BIRC6: variants seen among roughly 807,000 people sequenced by gnomAD.
BIRC6 encodes baculoviral IAP repeat containing 6.
A neutral mutation model predicts 503.3 loss-of-function variants in BIRC6; 98 were observed. The observed-to-expected ratio is 0.19, with a 90% CI of 0.17 to 0.23. BIRC6 has a LOEUF of 0.23. Among genes scored for constraint, BIRC6 ranks in the 10% least tolerant of loss-of-function variants. The pLI is 1.00. For synonymous variants in BIRC6, 2,240 were observed against 2,078.7 expected (o/e 1.08, Z -2.11); for missense variants, 5,360 against 5,806.0 (o/e 0.92, Z 2.50).
intron 66 of BIRC6, among the ~76,000 whole-genome samples, chr2:32,585,469 T>TC (rs1331973012): frequency 6.6e-6 from 1 of 151,944 alleles, no homozygotes; most frequent in Non-Finnish European, 1.5e-5. Context: ...AACCTCCGCC[T>TC]CCCAGGTTCA....
chr2:32,383,258 T>TG (rs1483065007), intron 3 of BIRC6, among the ~76,000 whole-genome samples: 1 of 152,100 alleles, frequency 6.6e-6, no homozygotes, highest in Non-Finnish European at 1.5e-5. Flanking sequence ...TTGGTCAGGC[T>TG]GGTCTTGAAC....
intron 9 of BIRC6, among the ~76,000 whole-genome samples, chr2:32,410,686 G>T (rs528625623): frequency 6.6e-6 from 1 of 151,832 alleles, no homozygotes; most frequent in South Asian, 2.1e-4. Flanking sequence ...GTTGCTTATT[G>T]CTCTACTTGG....
intron 66 of BIRC6, among the ~76,000 whole-genome samples, chr2:32,585,423 A>C (rs2060963151): frequency 6.6e-6 from 1 of 150,580 alleles, no homozygotes; most frequent in South Asian, 2.1e-4. Flanking sequence ...TCTGTCACCC[A>C]GTCTAGAGTG....
intron 3 of BIRC6, among the ~76,000 whole-genome samples, chr2:32,388,495 C>G (rs993908226): frequency 6.6e-6 from 1 of 152,312 alleles, no homozygotes; most frequent in Admixed American, 6.5e-5. Context: ...GCGTAAGCCA[C>G]TGCACCTGGC....
At chr2:32,571,143 A>G (rs1249000924) in intron 65 of BIRC6, among the ~76,000 whole-genome samples, 5 of 151,488 alleles carry the variant, frequency 3.3e-5, no homozygotes, top group Admixed American at 3.3e-4. Context: ...GTTGGATTTG[A>G]TTTACTTGTT....
intron 61 of BIRC6, among the ~76,000 whole-genome samples, chr2:32,538,462 T>C (rs185789091): frequency 1.3e-5 from 2 of 152,120 alleles, no homozygotes; most frequent in Admixed American, 1.3e-4. Flanking sequence ...GGCTACAGCC[T>C]AATAAAGATT....
chr2:32,610,716 G>A (rs543152096), intron 72 of BIRC6, among the ~76,000 whole-genome samples: 1 of 152,214 alleles, frequency 6.6e-6, no homozygotes, highest in Admixed American at 6.5e-5. Flanking sequence ...GACCACAATT[G>A]TACACTCTTT....
In BIRC6 at chr2:32,617,988, A is replaced by C; in HGVS notation, c.*84A>C. On this transcript the variant is annotated 3_prime_UTR_variant, in exon 74 of 74. Transcript: ENST00000421745. ...AATATTTGTATGTAAGAAACTAATT[A>C]TGTAATAGGTAATGAAACTGAAACT... 1 of 1,304,664 alleles carries C rather than the reference A, an allele frequency of 7.7e-7. No individual in the cohort carries two copies. The highest frequency in any genetic ancestry group is 1.0e-6 in the Non-Finnish European group (1 of 953,318). 80.8% of individuals were successfully genotyped at this position (1,304,664 alleles called of 1,614,324 possible).
rs2037006162 is a variant in BIRC6, at chr2:32,377,600, G to A, written c.338G>A (p.Gly113Glu). Reference sequence around the variant, plus strand: ...GTTCTTTTAACAGCTAAACCAGGTGGACAGGTGAAATGTCAGTATATCTCT... The same window carrying A: ...GTTCTTTTAACAGCTAAACCAGGTGAACAGGTGAAATGTCAGTATATCTCT... Reference protein sequence around the residue: ...QASALSAKPGGQVKCQYISAV... With the variant: ...QASALSAKPGEQVKCQYISAV... The change falls in exon 2 of 74, where the codon GGA (glycine) becomes GAA (glutamate). Residue 113 changes from glycine to glutamate, a missense_variant. Gly to Glu is a moderately conservative substitution (Grantham distance 98). This residue lies in a region of BIRC6 where 47 missense variants were observed against 93.3 expected (regional missense o/e 0.50). Transcript: ENST00000421745. 1.2e-6 allele frequency: 2 copies of A among 1,604,544 alleles called. No homozygotes were observed. The highest frequency in any genetic ancestry group is 1.7e-5 in the Admixed American group (1 of 57,784).
chr2:32,413,700 G>GAA (rs1319844027), intron 9 of BIRC6, among the ~76,000 whole-genome samples: 21 of 100,196 alleles, frequency 2.1e-4, no homozygotes, highest in Admixed American at 7.7e-4. Flanking sequence ...TATGTCTTAA[G>GAA]AAAAAAAAAA....
intron 19 of BIRC6, 43 bp from the exon 20 acceptor site, chr2:32,443,447 CT>C: frequency 7.3e-7 from 1 of 1,371,808 alleles, no homozygotes; most frequent in Non-Finnish European, 1.0e-6. Context: ...GAATTTAGAC[CT>C]TGAGTAATGT....
chr2:32,571,378 C>CTTTTTTTTTTT (rs61599835), intron 65 of BIRC6, among the ~76,000 whole-genome samples: 2 of 20,300 alleles, frequency 9.9e-5, no homozygotes, highest in African/African-American at 2.1e-4. Context: ...TGGTCCTGGG[C>CTTTTTTTTTTT]TTTTTTTTTT....
chr2:32,470,584 A>T (rs2049000285), intron 31 of BIRC6, among the ~76,000 whole-genome samples: 1 of 152,196 alleles, frequency 6.6e-6, no homozygotes, highest in African/African-American at 2.4e-5. Context: ...TGTAAGGCAC[A>T]GTTGTTGTTC....
intron 8 of BIRC6, among the ~76,000 whole-genome samples, chr2:32,405,859 T>C (rs2041150485): frequency 6.6e-6 from 1 of 152,224 alleles, no homozygotes; most frequent in African/African-American, 2.4e-5. Context: ...TAGTTGCTGC[T>C]GTCTTTTATA....
At chr2:32,413,491 G>A (rs1388877265) in intron 9 of BIRC6, among the ~76,000 whole-genome samples, 1 of 151,746 alleles carries the variant, frequency 6.6e-6, no homozygotes, top group African/African-American at 2.4e-5. Context: ...CTAATTTTTT[G>A]TATTTTTAGT....
At chr2:32,598,150 G>T in intron 69 of BIRC6, among the ~76,000 whole-genome samples, 182 bp downstream of exon 69, 1 of 113,408 alleles carries the variant, frequency 8.8e-6, no homozygotes, top group Non-Finnish European at 1.7e-5. Flanking sequence ...TTTTTTTTTG[G>T]CGACAGGATC....
chr2:32,446,386 G>T (rs562151286), intron 21 of BIRC6, among the ~76,000 whole-genome samples: 1 of 152,194 alleles, frequency 6.6e-6, no homozygotes, highest in Non-Finnish European at 1.5e-5. Context: ...TTAAGCAATA[G>T]CAAAAGGTTA....
chr2:32,537,681 T>C (rs1363672489), intron 61 of BIRC6, among the ~76,000 whole-genome samples: 1 of 152,148 alleles, frequency 6.6e-6, no homozygotes, highest in Non-Finnish European at 1.5e-5. Flanking sequence ...AAAACAATTA[T>C]TTAGGCCGGG....
At chr2:32,426,522 T>G (rs2043511201) in intron 10 of BIRC6, among the ~76,000 whole-genome samples, 2 of 152,260 alleles carry the variant, frequency 1.3e-5, no homozygotes, top group African/African-American at 4.8e-5. Flanking sequence ...GAGAATCACT[T>G]GAACCCAGGA....
Sources: gnomAD v4.1 joint callset for allele counts (sites outside exome capture counted in the v4.1 genomes callset) on GRCh38, gnomAD v4.1.1 for gene constraint, gnomAD v4.1.1 regional missense constraint, MANE v1.5 for transcripts, NCBI Gene and HGNC (gene_info 2026-07-23, HGNC 2026-07-21) for gene names.